Variants in DCLK1 observed in about 807,000 individuals in gnomAD.
The protein encoded by DCLK1 is serine/threonine-protein kinase DCLK1.
In DCLK1, 16 loss-of-function variants were observed where a neutral mutation model predicts 86.2. That is an observed-to-expected ratio of 0.19 (90% CI 0.13 to 0.28). DCLK1 has a LOEUF of 0.28. Among genes scored for constraint, DCLK1 ranks in the 10% least tolerant of loss-of-function variants. DCLK1 has a pLI of 1.00. For synonymous variants in DCLK1, 369 were observed against 370.5 expected, an observed-to-expected ratio of 1.00 and a Z score of 0.05; for missense variants, 590 against 940.2, an observed-to-expected ratio of 0.63 and a Z score of 4.87.
intron 3 of DCLK1, among the ~76,000 whole-genome samples, chr13:35,968,103 G>T (rs1170984): frequency 0.3 from 45,874 of 151,952 alleles, 7,701 homozygotes; most frequent in East Asian, 0.57. Context: ...TGAATCCTGA[G>T]GTCATTATGC....
At chr13:35,996,360 T>A (rs1029113024) in intron 3 of DCLK1, among the ~76,000 whole-genome samples, 1 of 152,238 alleles carries the variant, frequency 6.6e-6, no homozygotes, top group Non-Finnish European at 1.5e-5. Context: ...CATTCCCACT[T>A]GAGGTGGTCA....
At chr13:35,862,117 G>A (rs1303784432) in intron 5 of DCLK1, among the ~76,000 whole-genome samples, 1 of 149,642 alleles carries the variant, frequency 6.7e-6, no homozygotes, top group Non-Finnish European at 1.5e-5. Flanking sequence ...ATCTCTTGTT[G>A]AGGCAGCGGG....
At chr13:35,979,314 A>G (rs775250818) in intron 3 of DCLK1, among the ~76,000 whole-genome samples, 2 of 152,192 alleles carry the variant, frequency 1.3e-5, no homozygotes, top group Non-Finnish European at 2.9e-5. Flanking sequence ...GGACTAATCA[A>G]TGAGGTTTCA....
intron 4 of DCLK1, among the ~76,000 whole-genome samples, chr13:35,886,301 A>T (rs1464632662): frequency 6.6e-6 from 1 of 152,116 alleles, no homozygotes; most frequent in Non-Finnish European, 1.5e-5. Context: ...GTAAGACACC[A>T]TGCCCGGCGA....
intron 16 of DCLK1, among the ~76,000 whole-genome samples, chr13:35,778,647 C>A (rs2086468759): frequency 6.6e-6 from 1 of 152,056 alleles, no homozygotes; most frequent in African/African-American, 2.4e-5. Flanking sequence ...ATAATGAATC[C>A]CAATTTTGAG....
chr13:35,944,988 G>A (rs758371728), intron 4 of DCLK1, among the ~76,000 whole-genome samples: 14 of 151,912 alleles, frequency 9.2e-5, no homozygotes, highest in East Asian at 1.9e-4. Context: ...CGCAACCTCC[G>A]CCTCCCAGGC....
At chr13:36,073,383 C>G (rs1157655988) in intron 3 of DCLK1, among the ~76,000 whole-genome samples, 1 of 152,038 alleles carries the variant, frequency 6.6e-6, no homozygotes, top group Non-Finnish European at 1.5e-5. Context: ...TATCTCACTC[C>G]CATAACAACC....
intron 4 of DCLK1, among the ~76,000 whole-genome samples, chr13:35,915,168 A>C (rs2153125635): frequency 6.6e-6 from 1 of 152,392 alleles, no homozygotes; most frequent in South Asian, 2.1e-4. Flanking sequence ...GTTAATCCTT[A>C]GAACATATCA....
chr13:35,869,858 C>T (rs141791298), intron 5 of DCLK1, among the ~76,000 whole-genome samples: 403 of 152,246 alleles, frequency 2.6e-3, no homozygotes, highest in Non-Finnish European at 4.5e-3. Context: ...ACAGACTACC[C>T]GATCCTAATC....
intron 4 of DCLK1, among the ~76,000 whole-genome samples, chr13:35,928,786 T>C (rs2153128415): frequency 6.6e-6 from 1 of 152,354 alleles, no homozygotes; most frequent in East Asian, 1.9e-4. Context: ...ATCAGGCTCC[T>C]GCAATATAAT....
intron 3 of DCLK1, among the ~76,000 whole-genome samples, chr13:36,088,103 T>C (rs370295192): frequency 1.3e-5 from 2 of 152,314 alleles, no homozygotes; most frequent in South Asian, 2.1e-4. Flanking sequence ...CTCTCCTGTA[T>C]AGTGGGAAAA....
intron 6 of DCLK1, among the ~76,000 whole-genome samples, chr13:35,839,570 T>A (rs1869643436): frequency 6.6e-6 from 1 of 152,202 alleles, no homozygotes; most frequent in Non-Finnish European, 1.5e-5. Context: ...CTATTTTTTC[T>A]ATTTTTCTGA....
chr13:35,920,576 A>G (rs1020162921), intron 4 of DCLK1, among the ~76,000 whole-genome samples: 1 of 152,156 alleles, frequency 6.6e-6, no homozygotes, highest in Non-Finnish European at 1.5e-5. Flanking sequence ...GAGGAAACCA[A>G]TGAGTGTTAC....
intron 16 of DCLK1, among the ~76,000 whole-genome samples, chr13:35,789,796 T>C (rs1476426539): frequency 6.6e-6 from 1 of 152,208 alleles, no homozygotes; most frequent in Non-Finnish European, 1.5e-5. Context: ...CCCTCAGCTC[T>C]CAAAAAGTTC....
At chr13:35,788,308 A>G in intron 16 of DCLK1, 1 of 1,610,124 alleles carries the variant, frequency 6.2e-7, no homozygotes, top group South Asian at 1.1e-5. Context: ...AAATGGGGCA[A>G]CTCAGTGGAT....
At chr13:35,876,530 A>G (rs1872601933) in intron 4 of DCLK1, among the ~76,000 whole-genome samples, 3 of 152,240 alleles carry the variant, frequency 2.0e-5, no homozygotes, top group Non-Finnish European at 4.4e-5. Flanking sequence ...TAGGAATTGT[A>G]TTTTATAATG....
chr13:35,792,467 A>G (rs905385573), intron 16 of DCLK1, among the ~76,000 whole-genome samples: 2 of 152,196 alleles, frequency 1.3e-5, no homozygotes, highest in African/African-American at 4.8e-5. Flanking sequence ...CATGAGTGAG[A>G]GGTGCTGTTT....
intron 3 of DCLK1, among the ~76,000 whole-genome samples, chr13:36,099,746 A>C (rs1885134737): frequency 6.6e-6 from 1 of 152,258 alleles, no homozygotes; most frequent in African/African-American, 2.4e-5. Flanking sequence ...GCAAAACCAA[A>C]GACAACTCCG....
At chr13:35,833,444 A>G (rs1231822614) in intron 8 of DCLK1, among the ~76,000 whole-genome samples, 2 of 152,136 alleles carry the variant, frequency 1.3e-5, no homozygotes, top group African/African-American at 2.4e-5. Flanking sequence ...AAAGTAGAGC[A>G]TGTCTCTTCC....
Sources: gnomAD v4.1 joint callset for allele counts (sites outside exome capture counted in the v4.1 genomes callset) on GRCh38, gnomAD v4.1.1 for gene constraint, MANE v1.5 for transcripts, NCBI Gene and HGNC (gene_info 2026-07-23, HGNC 2026-07-21) for gene names.